ONECUT2: variants seen among roughly 807,000 people sequenced by gnomAD.
The protein encoded by ONECUT2 is one cut homeobox 2, also known as one cut domain family member 2.
In ONECUT2, 10 loss-of-function variants were observed where a neutral mutation model predicts 27.9. That is an observed-to-expected ratio of 0.36 (90% CI 0.22 to 0.61). The LOEUF is 0.61. Ranked by LOEUF, ONECUT2 falls within the 20% of genes least tolerant of loss-of-function variation. The pLI is 0.73. For synonymous variants in ONECUT2, 334 were observed against 315.1 expected (o/e 1.06, Z -0.64); for missense variants, 686 against 721.0 (o/e 0.95, Z 0.56).
rs1176586939 is a variant in ONECUT2, at chr18:57,478,768, G to A, written c.*2045G>A. ...CAACAGCTACAATACCAAAGATGAG[G>A]ATTTCTCACACCTTTTGTTTCAGTT... is the stretch of plus-strand genomic sequence containing the variant. On this transcript the variant is annotated 3_prime_UTR_variant, in exon 2 of 2. Coordinates refer to ENST00000491143, the MANE Select transcript of ONECUT2 (RefSeq NM_004852.3). The A allele has an allele frequency of 6.6e-6, 1 of 152,536 alleles. No homozygotes were observed. The allele number at this position is 152,536 out of a possible 1,614,324, so 9.4% of individuals were successfully genotyped here.
In ONECUT2 at chr18:57,474,187, C is replaced by T. The variant is rs575265330; in HGVS notation, c.1229-2250C>T. The stretch of plus-strand genomic sequence containing the variant: ...GCCTAGCAGCTTTCCCATTCAGGGG[C>T]TCTCCTCTTCCTGCCCTTTGAGAGT... On this transcript the variant is annotated intron_variant, in intron 1 of 1. Transcript: ENST00000491143. Among the ~76,000 whole-genome samples, 4 of 152,308 alleles carry T rather than the reference C, an allele frequency of 2.6e-5. No individual in the cohort carries two copies. In the South Asian group the frequency reaches 6.2e-4, roughly 24 times the overall value.
At chr18:57,458,658 T>C (rs566083378) in intron 1 of ONECUT2, among the ~76,000 whole-genome samples, 36 of 152,338 alleles carry the variant, frequency 2.4e-4, no homozygotes, top group Non-Finnish European at 4.9e-4. Flanking sequence ...TTTGGTTGTT[T>C]GCATTATTTG....
At chr18:57,455,904 C>G (rs922949279) in intron 1 of ONECUT2, among the ~76,000 whole-genome samples, 5 of 152,190 alleles carry the variant, frequency 3.3e-5, no homozygotes, top group Non-Finnish European at 4.4e-5. Flanking sequence ...TGAGAACTTG[C>G]ACGTAGAGTA....
intron 1 of ONECUT2, among the ~76,000 whole-genome samples, chr18:57,455,391 C>T (rs1418767134): frequency 3.3e-5 from 5 of 152,206 alleles, no homozygotes; most frequent in Non-Finnish European, 7.3e-5. Flanking sequence ...TTTAAACAGT[C>T]TCTAGTATCC....
intron 1 of ONECUT2, among the ~76,000 whole-genome samples, chr18:57,444,158 A>C (rs1000273246): frequency 6.6e-6 from 1 of 152,194 alleles, no homozygotes; most frequent in East Asian, 1.9e-4. Context: ...GTTACCACTT[A>C]AGAAAGGGCA....
intron 1 of ONECUT2, among the ~76,000 whole-genome samples, chr18:57,448,053 A>T (rs372604752): frequency 9.9e-5 from 15 of 152,278 alleles, no homozygotes; most frequent in African/African-American, 3.6e-4. Flanking sequence ...TTTTTCAATC[A>T]GTTGCTTTGC....
In ONECUT2 at chr18:57,459,671, G is replaced by A. The variant is rs139906757; in HGVS notation, c.1229-16766G>A. Among the ~76,000 whole-genome samples the A allele has an allele frequency of 8.8e-3, 1,345 of 152,176 alleles. 22 individuals carry two copies. Among genetic ancestry groups the A allele is most frequent in the Admixed American group, 0.047 (718 of 15,294 alleles). On this transcript the variant is annotated intron_variant, in intron 1 of 1. Coordinates refer to ENST00000491143, the MANE Select transcript of ONECUT2 (RefSeq NM_004852.3). ...GCCTCTGGGTTCAAGCAATTCTCCT[G>A]CCTCAGCCTCCTGAGTAGCTGGGAT...
chr18:57,436,545 C>A lies in ONECUT2; in HGVS notation c.829C>A (p.Leu277Met), dbSNP rs763517995. The A allele has an allele frequency of 9.9e-6, 16 of 1,612,158 alleles. No individual in the cohort carries two copies. The highest frequency in any genetic ancestry group is 1.3e-5 in the African/African-American group (1 of 74,942). The change falls in exon 1 of 2, where the codon CTG (leucine) becomes ATG (methionine). Residue 277 changes from leucine (L) to methionine (M), a missense_variant. Around this residue, in one of 4 missense-constraint regions of ONECUT2, gnomAD observed 511 missense variants for 488.1 expected, o/e 1.05. Coordinates refer to ENST00000491143, the MANE Select transcript of ONECUT2 (RefSeq NM_004852.3). The surrounding 1 kb of genome is among the most constrained non-coding windows in gnomAD (Gnocchi z 5.9). ...CATGCTGACCCGCGGTGAGCAACAC[C>A]TGTCCCGCGGCCTGGGCACCCCACC... ...TAMLTRGEQHLSRGLGTPPAA... is the reference protein window; with the variant it reads ...TAMLTRGEQHMSRGLGTPPAA...
At chr18:57,467,344 G>T (rs2050327092) in intron 1 of ONECUT2, 3 of 271,468 alleles carry the variant, frequency 1.1e-5, no homozygotes, top group South Asian at 2.3e-5. Context: ...CATTTCCTTT[G>T]GTTTTTTTTT....
intron 1 of ONECUT2, among the ~76,000 whole-genome samples, chr18:57,461,355 T>G (rs1191018466): frequency 3.9e-5 from 6 of 152,238 alleles, no homozygotes; most frequent in African/African-American, 9.6e-5. Context: ...TCAATGAGCA[T>G]TTGGATTGTT....
chr18:57,471,771 G>T (rs923848325), intron 1 of ONECUT2, among the ~76,000 whole-genome samples: 22 of 152,332 alleles, frequency 1.4e-4, no homozygotes, highest in African/African-American at 5.3e-4. Flanking sequence ...AAAAAGTGGG[G>T]AAAGGTAGCC....
At chr18:57,450,956 G>A (rs977721727) in intron 1 of ONECUT2, among the ~76,000 whole-genome samples, 1 of 152,104 alleles carries the variant, frequency 6.6e-6, no homozygotes, top group Non-Finnish European at 1.5e-5. Context: ...ATATGAACTA[G>A]CCCTTGTCCC....
chr18:57,456,830 G>A (rs184578781), intron 1 of ONECUT2, among the ~76,000 whole-genome samples: 1 of 152,136 alleles, frequency 6.6e-6, no homozygotes, highest in Non-Finnish European at 1.5e-5. Context: ...AAAACAAAAA[G>A]CCAGGTGCGG....
At chr18:57,444,347 A>G in intron 1 of ONECUT2, 1 of 456,622 alleles carries the variant, frequency 2.2e-6, no homozygotes, top group Middle Eastern at 3.3e-4. Flanking sequence ...CCTTGAAGGA[A>G]CCTGTTTGAC....
chr18:57,451,468 C>T (rs771517358), intron 1 of ONECUT2, among the ~76,000 whole-genome samples: 1 of 152,178 alleles, frequency 6.6e-6, no homozygotes, highest in Non-Finnish European at 1.5e-5. Context: ...AGTCAGAGGC[C>T]ACCCTGTTCT....
rs1188367874 is a variant in ONECUT2 at position 57,484,711 on chromosome 18, T to A, written c.*7988T>A. The stretch of plus-strand genomic sequence containing the variant: ...GTTGAGCTGGAAGAGACCTTAGGAA[T>A]CATTTAGTCCAAGCCCCGGTGGCCC... On this transcript the variant is annotated 3_prime_UTR_variant, in exon 2 of 2. Transcript: ENST00000491143. 6.6e-6 allele frequency: 1 copy of A among 152,216 alleles called. No homozygotes were observed. Among genetic ancestry groups the A allele is most frequent in the East Asian group, 1.9e-4 (1 of 5,194 alleles). The allele number at this position is 152,216 out of a possible 1,614,324, so 9.4% of individuals were successfully genotyped here.
intron 1 of ONECUT2, among the ~76,000 whole-genome samples, chr18:57,440,676 G>A (rs2050169090): frequency 6.6e-6 from 1 of 152,232 alleles, no homozygotes; most frequent in Non-Finnish European, 1.5e-5. Context: ...AGTGGCTCCT[G>A]CTAGGGGCAC....
At position 57,446,681 on chromosome 18, in the gene ONECUT2, C is replaced by T. The variant is rs145965727; in HGVS notation, c.1228+9737C>T. ...GCAAGCATTATCTTCCTAGAAGTAG[C>T]TTAAAGGGCTTTTTCCTGGTCCTTT... On this transcript the variant is annotated intron_variant, in intron 1 of 1. Transcript: ENST00000491143. Among the ~76,000 whole-genome samples the T allele has an allele frequency of 6.1e-3, 924 of 152,330 alleles. 8 individuals are homozygous for T. The highest frequency in any genetic ancestry group is 0.019 in the African/African-American group (804 of 41,570).
chr18:57,467,151 T>A (rs1453098697), intron 1 of ONECUT2: 1 of 456,284 alleles, frequency 2.2e-6, no homozygotes. Context: ...TAAAACTTGT[T>A]TTTTTCAGAG....
Sources: allele counts gnomAD v4.1 joint callset (sites outside exome capture counted in the v4.1 genomes callset), GRCh38; gene constraint gnomAD v4.1.1; regional missense constraint gnomAD v4.1.1; non-coding constraint Gnocchi (gnomAD v3.1); transcripts MANE v1.5; gene names NCBI Gene and HGNC (gene_info 2026-07-23, HGNC 2026-07-21).